The following RMDN2 variants were observed in gnomAD, a reference collection of about 807,000 sequenced individuals.
The protein encoded by RMDN2 is regulator of microtubule dynamics protein 2.
Under a neutral mutation model 52.8 loss-of-function variants are expected in RMDN2, and 61 were observed. The observed-to-expected ratio is 1.16, with a 90% CI of 0.94 to 1.43. RMDN2 has a LOEUF of 1.43. Ranked by LOEUF, RMDN2 falls within the 40% of genes most tolerant of loss-of-function variation. RMDN2 has a pLI of 0.00. For missense variants in RMDN2, 592 were observed against 475.3 expected, an observed-to-expected ratio of 1.25 and a Z score of -2.28; for synonymous variants, 180 against 153.1, an observed-to-expected ratio of 1.18 and a Z score of -1.30.
intron 10 of RMDN2, among the ~76,000 whole-genome samples, chr2:38,038,415 C>A (rs551741393): frequency 6.6e-6 from 1 of 152,160 alleles, no homozygotes; most frequent in Non-Finnish European, 1.5e-5. Context: ...CGGTACAAGG[C>A]GGAAAGTGCC....
intron 2 of RMDN2, among the ~76,000 whole-genome samples, chr2:37,970,981 CAT>C (rs1671736915): frequency 1.3e-5 from 2 of 151,768 alleles, no homozygotes; most frequent in Admixed American, 6.6e-5. Context: ...TGATTCATAA[CAT>C]ATTTTCTTCT....
intron 5 of RMDN2, among the ~76,000 whole-genome samples, chr2:37,984,143 C>G (rs1673682704): frequency 6.6e-6 from 1 of 152,154 alleles, no homozygotes; most frequent in Admixed American, 6.5e-5. Context: ...ACAGATCATT[C>G]TAATGACTTA....
At chr2:38,040,045 C>CATTATTATTATTATTATT (rs60031771) in intron 10 of RMDN2, among the ~76,000 whole-genome samples, 11 of 141,670 alleles carry the variant, frequency 7.8e-5, no homozygotes, top group South Asian at 2.3e-4. Context: ...TGTCTAGATT[C>CATTATTATTATTATTATT]ATTATTATTA....
intron 2 of RMDN2, among the ~76,000 whole-genome samples, chr2:37,939,814 C>T (rs1053533555): frequency 1.3e-5 from 2 of 152,184 alleles, no homozygotes; most frequent in African/African-American, 4.8e-5. Flanking sequence ...CTAAATACAG[C>T]ACACCAATGG....
intron 10 of RMDN2, among the ~76,000 whole-genome samples, chr2:38,049,876 A>AT (rs1429371409): frequency 6.6e-6 from 1 of 152,070 alleles, no homozygotes; most frequent in South Asian, 2.1e-4. Flanking sequence ...TGGTTTGTAC[A>AT]TTTTTTATCA....
At chr2:38,033,536 T>C (rs1025764987) in intron 10 of RMDN2, among the ~76,000 whole-genome samples, 16 of 152,248 alleles carry the variant, frequency 1.1e-4, no homozygotes, top group African/African-American at 3.9e-4. Flanking sequence ...CACAACACCA[T>C]CTATGTTTCT....
At chr2:38,048,191 C>G (rs60609417) in intron 10 of RMDN2, among the ~76,000 whole-genome samples, 14,003 of 152,250 alleles carry the variant, frequency 0.092, 848 homozygotes, top group African/African-American at 0.17. Flanking sequence ...TCCTCCCTGT[C>G]TGGGACTTCT....
intron 2 of RMDN2, among the ~76,000 whole-genome samples, chr2:37,971,697 T>C (rs79137587): frequency 0.024 from 3,677 of 152,308 alleles, 80 homozygotes; most frequent in Non-Finnish European, 0.039. Flanking sequence ...GGCTCTGTTC[T>C]ATCATTCACT....
At chr2:37,981,201 T>A in intron 4 of RMDN2, 82 bp from the exon 5 acceptor site, 1 of 884,510 alleles carries the variant, frequency 1.1e-6, no homozygotes, top group Non-Finnish European at 1.9e-6. Context: ...GGACCATACT[T>A]TGTGAACCAT....
chr2:37,925,645 G>C (rs530243704), intron 1 of RMDN2, among the ~76,000 whole-genome samples: 1 of 152,234 alleles, frequency 6.6e-6, no homozygotes, highest in African/African-American at 2.4e-5. Context: ...CGCTGACCCT[G>C]CGCCACGGAA....
At chr2:38,039,047 T>C (rs1052604182) in intron 10 of RMDN2, among the ~76,000 whole-genome samples, 16 of 127,392 alleles carry the variant, frequency 1.3e-4, no homozygotes, top group African/African-American at 2.9e-4. Flanking sequence ...CCAGATGCTA[T>C]ACACACACAC....
intron 10 of RMDN2, among the ~76,000 whole-genome samples, chr2:38,043,498 T>A (rs1681088165): frequency 6.6e-6 from 1 of 152,146 alleles, no homozygotes; most frequent in South Asian, 2.1e-4. Context: ...TGATTGTTGA[T>A]ATTATTGGAT....
At chr2:38,058,437 A>G (rs1343625937) in intron 10 of RMDN2, among the ~76,000 whole-genome samples, 1 of 152,128 alleles carries the variant, frequency 6.6e-6, no homozygotes, top group Admixed American at 6.6e-5. Flanking sequence ...TGGAGAAGCA[A>G]CGCCCCAGAT....
At chr2:38,026,444 G>A (rs189838385) in intron 10 of RMDN2, among the ~76,000 whole-genome samples, 10 of 152,058 alleles carry the variant, frequency 6.6e-5, no homozygotes, top group African/African-American at 2.4e-4. Context: ...CAGCTTTTGG[G>A]TTCATTGATT....
At chr2:37,921,752 A>G (rs913625982), upstream of RMDN2, among the ~76,000 whole-genome samples, 11 of 152,210 alleles carry the variant, frequency 7.2e-5, no homozygotes, top group African/African-American at 2.4e-4. Context: ...GTTAAGTTTG[A>G]TATTTGTCTC....
At chr2:37,990,168 A>G (rs1277901981) in intron 6 of RMDN2, among the ~76,000 whole-genome samples, 1 of 149,320 alleles carries the variant, frequency 6.7e-6, no homozygotes, top group African/African-American at 2.5e-5. Context: ...AAAAATTATT[A>G]TTAGTCCAGA....
chr2:38,008,031 A>C (rs908615241), intron 10 of RMDN2, among the ~76,000 whole-genome samples: 1 of 152,152 alleles, frequency 6.6e-6, no homozygotes, highest in African/African-American at 2.4e-5. Context: ...TGAGTTTCTT[A>C]ATCCTGAGTT....
intron 4 of RMDN2, among the ~76,000 whole-genome samples, chr2:37,979,327 A>G (rs1359234566): frequency 6.6e-6 from 1 of 152,198 alleles, no homozygotes; most frequent in African/African-American, 2.4e-5. Context: ...AGGGACAGCC[A>G]ATTATATTCA....
intron 5 of RMDN2, among the ~76,000 whole-genome samples, chr2:37,988,225 T>G (rs1052903985): frequency 6.6e-6 from 1 of 152,194 alleles, no homozygotes; most frequent in African/African-American, 2.4e-5. Flanking sequence ...AACAATAAGT[T>G]TTTATAAAGC....
Sources: gnomAD v4.1 joint callset for allele counts (sites outside exome capture counted in the v4.1 genomes callset) on GRCh38, gnomAD v4.1.1 for gene constraint, MANE v1.5 for transcripts, NCBI Gene and HGNC (gene_info 2026-07-23, HGNC 2026-07-21) for gene names.